RABGAP1L: variants seen among roughly 807,000 people sequenced by gnomAD.
RABGAP1L encodes the protein rab GTPase-activating protein 1-like.
Under a neutral mutation model 137.7 loss-of-function variants are expected in RABGAP1L, and 63 were observed. That is an observed-to-expected ratio of 0.46 (90% CI 0.37 to 0.56). RABGAP1L has a LOEUF of 0.56. Among genes scored for constraint, RABGAP1L ranks in the 20% least tolerant of loss-of-function variants. The pLI is 0.00. For synonymous variants in RABGAP1L, 431 were observed against 433.7 expected (o/e 0.99, Z 0.08); for missense variants, 1,095 against 1,244.0 (o/e 0.88, Z 1.80).
At chr1:174,823,638 T>C (rs554233076) in intron 19 of RABGAP1L, among the ~76,000 whole-genome samples, 88 of 152,324 alleles carry the variant, frequency 5.8e-4, no homozygotes, top group African/African-American at 1.9e-3. Flanking sequence ...GAATAAGTTA[T>C]AGTATTCAGT....
intron 6 of RABGAP1L, among the ~76,000 whole-genome samples, chr1:174,250,923 C>T (rs571011017): frequency 6.6e-6 from 1 of 152,182 alleles, no homozygotes; most frequent in African/African-American, 2.4e-5. Flanking sequence ...GCCTCGGCCT[C>T]CTAAGTAGCT....
At chr1:174,682,528 T>A (rs1467389307) in intron 14 of RABGAP1L, among the ~76,000 whole-genome samples, 1 of 151,628 alleles carries the variant, frequency 6.6e-6, no homozygotes, top group Admixed American at 6.6e-5. Flanking sequence ...TTCCTCAAAG[T>A]CTACAATATT....
chr1:174,509,353 T>A (rs941167096), intron 13 of RABGAP1L, among the ~76,000 whole-genome samples: 1 of 152,194 alleles, frequency 6.6e-6, no homozygotes, highest in South Asian at 2.1e-4. Flanking sequence ...CTCTTTTGTC[T>A]TATATCAACT....
At chr1:174,911,631 T>C (rs577317464) in intron 19 of RABGAP1L, among the ~76,000 whole-genome samples, 4 of 152,208 alleles carry the variant, frequency 2.6e-5, no homozygotes, top group Non-Finnish European at 5.9e-5. Flanking sequence ...GTATATGTAA[T>C]CTAATTATTA....
intron 14 of RABGAP1L, among the ~76,000 whole-genome samples, chr1:174,662,505 C>T (rs1676468215): frequency 6.6e-6 from 1 of 152,142 alleles, no homozygotes; most frequent in South Asian, 2.1e-4. Flanking sequence ...CAAAACTCCA[C>T]CTCCCAGGCT....
intron 13 of RABGAP1L, among the ~76,000 whole-genome samples, chr1:174,597,806 A>G (rs756646777): frequency 8.6e-5 from 13 of 152,014 alleles, no homozygotes; most frequent in Non-Finnish European, 1.9e-4. Context: ...CTTTGCTCTC[A>G]GTATTGCTTT....
chr1:174,382,856 G>A (rs1396151444), intron 12 of RABGAP1L, among the ~76,000 whole-genome samples: 3 of 152,066 alleles, frequency 2.0e-5, no homozygotes, highest in Non-Finnish European at 4.4e-5. Flanking sequence ...TTTGGAGGAG[G>A]AGAGACACTC....
At chr1:174,358,525 T>C (rs1683843527) in intron 11 of RABGAP1L, among the ~76,000 whole-genome samples, 1 of 152,148 alleles carries the variant, frequency 6.6e-6, no homozygotes, top group South Asian at 2.1e-4. Flanking sequence ...TTGGCTTGAT[T>C]GTAGAAAGGG....
At position 174,226,280 on chromosome 1, in the gene RABGAP1L, G is replaced by T. The variant is rs187035569; in HGVS notation, c.332-4865G>T. Among the ~76,000 whole-genome samples the T allele has an allele frequency of 2.0e-3, 304 of 152,268 alleles. 1 individual carries two copies. The highest frequency in any genetic ancestry group is 3.1e-3 in the Non-Finnish European group (214 of 68,016). Reference sequence around the variant, plus strand: ...GTTCCTATTTACTTTTTAAAAGGAGGCTGGATGTGGTGGCTCACGCCTGTA... The same window carrying T: ...GTTCCTATTTACTTTTTAAAAGGAGTCTGGATGTGGTGGCTCACGCCTGTA... On this transcript the variant is annotated intron_variant, in intron 3 of 25. Coordinates refer to ENST00000681986, the MANE Select transcript of RABGAP1L (RefSeq NM_001366446.1).
At position 174,619,568 on chromosome 1, in the gene RABGAP1L, C is replaced by A. The variant is rs536724110; in HGVS notation, c.1711-17807C>A. Reference sequence around the variant, plus strand: ...TTCATAAGTGAAGGAGAAATAAACTCCTTTACAGACAAGCAAATGCTGAGA... The same window carrying A: ...TTCATAAGTGAAGGAGAAATAAACTACTTTACAGACAAGCAAATGCTGAGA... On this transcript the variant is annotated intron_variant, in intron 13 of 25. Coordinates refer to ENST00000681986, the MANE Select transcript of RABGAP1L (RefSeq NM_001366446.1). Among the ~76,000 whole-genome samples, 21 of 152,268 alleles carry A rather than the reference C, an allele frequency of 1.4e-4. No individual in the cohort carries two copies. In the South Asian group the frequency reaches 1.9e-3, roughly 14 times the overall value.
At chr1:174,748,136 C>T (rs1477246519) in intron 17 of RABGAP1L, among the ~76,000 whole-genome samples, 3 of 151,980 alleles carry the variant, frequency 2.0e-5, no homozygotes, top group Non-Finnish European at 4.4e-5. Flanking sequence ...TTAATTTTTA[C>T]TTGTAAGTTC....
intron 13 of RABGAP1L, among the ~76,000 whole-genome samples, chr1:174,558,583 A>C (rs1667022579): frequency 6.6e-6 from 1 of 152,138 alleles, no homozygotes; most frequent in African/African-American, 2.4e-5. Context: ...CTGGACCTCT[A>C]CTCCAAATAA....
intron 11 of RABGAP1L, among the ~76,000 whole-genome samples, chr1:174,319,840 T>A (rs574132821): frequency 3.3e-5 from 5 of 152,186 alleles, no homozygotes; most frequent in Non-Finnish European, 7.3e-5. Flanking sequence ...GAGTAATTAA[T>A]TGATTTTTGA....
At chr1:174,454,170 G>C (rs1655771467) in intron 13 of RABGAP1L, among the ~76,000 whole-genome samples, 1 of 152,068 alleles carries the variant, frequency 6.6e-6, no homozygotes, top group African/African-American at 2.4e-5. Flanking sequence ...GGCTGAGGCA[G>C]GAGAATTGCT....
chr1:174,460,752 T>G (rs557368599), intron 13 of RABGAP1L, among the ~76,000 whole-genome samples: 1 of 152,236 alleles, frequency 6.6e-6, no homozygotes, highest in African/African-American at 2.4e-5. Context: ...GGAATTTGAT[T>G]TTTTACTTAT....
At chr1:174,762,535 G>A (rs1365619381) in intron 18 of RABGAP1L, among the ~76,000 whole-genome samples, 1 of 152,196 alleles carries the variant, frequency 6.6e-6, no homozygotes, top group African/African-American at 2.4e-5. Context: ...ACATCTATTT[G>A]ACAGTCCTTT....
At chr1:174,333,628 A>G (rs1430484019) in intron 11 of RABGAP1L, among the ~76,000 whole-genome samples, 1 of 152,186 alleles carries the variant, frequency 6.6e-6, no homozygotes, top group African/African-American at 2.4e-5. Flanking sequence ...GCAATTATTC[A>G]CGAAAAACTA....
intron 19 of RABGAP1L, among the ~76,000 whole-genome samples, chr1:174,869,938 A>G (rs1038852987): frequency 6.6e-6 from 1 of 152,140 alleles, no homozygotes; most frequent in African/African-American, 2.4e-5. Flanking sequence ...AATGTGATAA[A>G]TAAATTTCTG....
intron 18 of RABGAP1L, among the ~76,000 whole-genome samples, chr1:174,795,151 T>C (rs569292434): frequency 6.6e-6 from 1 of 152,074 alleles, no homozygotes; most frequent in East Asian, 1.9e-4. Context: ...TCTCTTACTC[T>C]CTCTTATTGG....
Sources: gnomAD v4.1 joint callset for allele counts (sites outside exome capture counted in the v4.1 genomes callset) on GRCh38, gnomAD v4.1.1 for gene constraint, MANE v1.5 for transcripts, NCBI Gene and HGNC (gene_info 2026-07-23, HGNC 2026-07-21) for gene names.